The following TFPI variants were observed in gnomAD, a reference collection of about 807,000 sequenced individuals.
TFPI encodes tissue factor pathway inhibitor.
TFPI carries 15 observed loss-of-function variants against 34.6 expected under a neutral mutation model. The ratio of observed to expected loss-of-function variants is 0.43; its 90% confidence interval spans 0.29 to 0.67. The LOEUF (loss-of-function observed/expected upper bound fraction) is 0.67, where lower values mean the gene tolerates loss of function less well. Ranked by LOEUF, TFPI falls within the 30% of genes least tolerant of loss-of-function variation. TFPI has a pLI of 0.15. For synonymous variants in TFPI, 105 were observed against 120.1 expected (o/e 0.87, Z 0.82); for missense variants, 301 against 364.0 (o/e 0.83, Z 1.41).
chr2:187,544,963 A>C (rs1274125147), intron 1 of TFPI, among the ~76,000 whole-genome samples: 1 of 152,002 alleles, frequency 6.6e-6, no homozygotes, highest in Non-Finnish European at 1.5e-5. Flanking sequence ...AAAAACACAA[A>C]AATAAGCCGG....
chr2:187,465,492 G>GA lies in TFPI; in HGVS notation c.*1443dup, dbSNP rs199557966. 2,275 of 67,692 alleles carry GA rather than the reference G, an allele frequency of 0.034. 30 individuals are homozygous for GA. Among genetic ancestry groups the GA allele is most frequent in the Middle Eastern group, 0.083 (11 of 132 alleles). 4.2% of individuals were successfully genotyped at this position (67,692 alleles called of 1,614,324 possible). A position where few individuals can be genotyped will look rare whatever the true frequency, so the allele number is the denominator to read the frequency against. On this transcript the variant is annotated 3_prime_UTR_variant, in exon 8 of 8. Transcript: ENST00000233156. ...AAAACATAACAAAACAAAACAAAATGAAAAAAAAAAAAAAACAAGAAAAAA... is the reference window on the plus strand; with the variant it reads ...AAAACATAACAAAACAAAACAAAATGAAAAAAAAAAAAAAAACAAGAAAAAA...
intron 6 of TFPI, chr2:187,478,526 T>C (rs1429285924): frequency 8.5e-7 from 1 of 1,171,884 alleles, no homozygotes; most frequent in Non-Finnish European, 1.1e-6. Context: ...AGAATATTCA[T>C]TTTTCTTTGC....
chr2:187,536,227 A>G (rs1203290908), intron 1 of TFPI, among the ~76,000 whole-genome samples: 5 of 152,216 alleles, frequency 3.3e-5, no homozygotes, highest in African/African-American at 1.2e-4. Context: ...TCCCTAACTC[A>G]TTTTATGAGG....
intron 6 of TFPI, among the ~76,000 whole-genome samples, chr2:187,476,628 C>G (rs1336856410): frequency 6.6e-6 from 1 of 152,176 alleles, no homozygotes; most frequent in Non-Finnish European, 1.5e-5. Context: ...GAGTGAGCCA[C>G]TGCACCCAGC....
At chr2:187,479,234 AC>A (rs1692639247) in intron 6 of TFPI, among the ~76,000 whole-genome samples, 1 of 152,070 alleles carries the variant, frequency 6.6e-6, no homozygotes, top group South Asian at 2.1e-4. Context: ...GGACTAGTGG[AC>A]AATGCAGACA....
intron 1 of TFPI, among the ~76,000 whole-genome samples, chr2:187,508,802 G>A (rs927618171): frequency 2.0e-5 from 3 of 152,136 alleles, no homozygotes; most frequent in Admixed American, 6.5e-5. Flanking sequence ...TCTCTTGCCT[G>A]AGTGCCCCGG....
At chr2:187,497,264 A>G (rs542298869) in intron 2 of TFPI, among the ~76,000 whole-genome samples, 186 bp from the exon 3 acceptor site, 11 of 152,058 alleles carry the variant, frequency 7.2e-5, no homozygotes, top group Non-Finnish European at 1.3e-4. Context: ...ATGAAACACA[A>G]CTTCTAGACT....
intron 7 of TFPI, 22 bp downstream of exon 7, chr2:187,467,731 A>G: frequency 6.5e-7 from 1 of 1,542,216 alleles, no homozygotes; most frequent in Non-Finnish European, 8.7e-7. Context: ...TAGTCAATTA[A>G]TGGGAAGAGT....
At position 187,523,351 on chromosome 2, in the gene TFPI, T is replaced by C. The variant is rs1168196873; in HGVS notation, c.-2-19581A>G. ...AAATATACATGTATAGCAATAGGAA[T>C]ATTGTTAACCCATATGTCCATGGAA... is the stretch of plus-strand genomic sequence containing the variant. On this transcript the variant is annotated intron_variant, in intron 1 of 7. Transcript: ENST00000233156. Among the ~76,000 whole-genome samples the C allele has an allele frequency of 2.0e-5, 3 of 152,254 alleles. No homozygotes were observed. In the East Asian group the frequency reaches 5.8e-4, roughly 29 times the overall value.
chr2:187,527,732 A>G (rs1053169458), intron 1 of TFPI, among the ~76,000 whole-genome samples: 2 of 152,256 alleles, frequency 1.3e-5, no homozygotes, highest in African/African-American at 4.8e-5. Context: ...GCAAAGATGT[A>G]TCATTATAAA....
intron 1 of TFPI, chr2:187,517,801 C>T (rs1442293011): frequency 6.6e-6 from 1 of 152,192 alleles, no homozygotes. Flanking sequence ...TCTCTAAGAA[C>T]TTGATTTATG....
At chr2:187,508,620 T>C (rs1360488359) in intron 1 of TFPI, among the ~76,000 whole-genome samples, 1 of 152,144 alleles carries the variant, frequency 6.6e-6, no homozygotes, top group Non-Finnish European at 1.5e-5. Flanking sequence ...TGTCTGTTAT[T>C]GGTGTATAGG....
chr2:187,507,026 T>G (rs183176026), intron 1 of TFPI, among the ~76,000 whole-genome samples: 3 of 152,268 alleles, frequency 2.0e-5, no homozygotes, highest in Non-Finnish European at 4.4e-5. Context: ...ATCATCTACA[T>G]TAGGTATTTC....
At chr2:187,546,431 GA>G (rs60420453) in intron 1 of TFPI, among the ~76,000 whole-genome samples, 130,300 of 151,496 alleles carry the variant, frequency 0.86, 56,188 homozygotes, top group Middle Eastern at 0.96. Flanking sequence ...CTTAAGAGGG[GA>G]AAAAAAACAA....
At chr2:187,541,937 C>T (rs1450493047) in intron 1 of TFPI, among the ~76,000 whole-genome samples, 3 of 152,038 alleles carry the variant, frequency 2.0e-5, no homozygotes, top group Non-Finnish European at 2.9e-5. Context: ...TTCCAGAGGG[C>T]AAGGGGTAAA....
At position 187,466,990 on chromosome 2, in the gene TFPI, T is replaced by G. The variant is rs777849485; in HGVS notation, c.861A>C (p.Arg287Ser). Reference protein sequence around the residue: ...KGGLIKTKRKRKKQRVKIAYE... With the variant: ...KGGLIKTKRKSKKQRVKIAYE... ...ATGCTATTTTCACTCTCTGCTTCTT[T>G]CTTTTTCTTTTGGTTTTAATTAGGC... is the stretch of plus-strand genomic sequence containing the variant. The change falls in exon 8 of 8, where the codon AGA (arginine) becomes AGC (serine). Residue 287 changes from arginine (R) to serine (S), a missense_variant. Arg to Ser is a moderately radical substitution (Grantham distance 110). Coordinates refer to ENST00000233156, the MANE Select transcript of TFPI (RefSeq NM_006287.6). 54 of 1,591,730 alleles carry G rather than the reference T, an allele frequency of 3.4e-5. No homozygotes were observed. The highest frequency in any genetic ancestry group is 6.8e-5 in the East Asian group (3 of 43,850).
intron 6 of TFPI, chr2:187,478,928 A>C (rs926499692): frequency 7.5e-5 from 52 of 696,658 alleles, no homozygotes; most frequent in Non-Finnish European, 1.0e-4. Flanking sequence ...CTTCAAAAAA[A>C]TCTTGTAATC....
chr2:187,482,208 T>G (rs1421432823), intron 6 of TFPI, among the ~76,000 whole-genome samples: 1 of 152,098 alleles, frequency 6.6e-6, no homozygotes, highest in Non-Finnish European at 1.5e-5. Context: ...ACAAAAGTAT[T>G]CAAGCATGTT....
chr2:187,472,613 G>C (rs1692111077), intron 6 of TFPI, among the ~76,000 whole-genome samples: 1 of 152,148 alleles, frequency 6.6e-6, no homozygotes, highest in Non-Finnish European at 1.5e-5. Context: ...TGTGGGACAA[G>C]AAACTGCTTA....
Sources: gnomAD v4.1 joint callset for allele counts (sites outside exome capture counted in the v4.1 genomes callset) on GRCh38, gnomAD v4.1.1 for gene constraint, MANE v1.5 for transcripts, NCBI Gene and HGNC (gene_info 2026-07-23, HGNC 2026-07-21) for gene names.